The following PDE1C variants were observed in gnomAD, a reference collection of about 807,000 sequenced individuals.
PDE1C encodes the protein dual specificity calcium/calmodulin-dependent 3',5'-cyclic nucleotide phosphodiesterase 1C.
PDE1C carries 62 observed loss-of-function variants against 93.1 expected under a neutral mutation model. The observed-to-expected ratio is 0.67, with a 90% CI of 0.54 to 0.82. The LOEUF is 0.82. Ranked by LOEUF, PDE1C falls within the 40% of genes least tolerant of loss-of-function variation. The pLI is 0.00. For synonymous variants in PDE1C, 325 were observed against 310.1 expected (o/e 1.05, Z -0.50); for missense variants, 742 against 884.6 (o/e 0.84, Z 2.04).
intron 14 of PDE1C, among the ~76,000 whole-genome samples, chr7:31,822,847 T>C (rs1789147866): frequency 6.6e-6 from 1 of 152,126 alleles, no homozygotes; most frequent in South Asian, 2.1e-4. Flanking sequence ...AAAAGGAGTT[T>C]AGTCTCACAG....
intron 1 of PDE1C, among the ~76,000 whole-genome samples, chr7:32,410,340 A>AAAG (rs35560349): frequency 0.23 from 34,063 of 149,386 alleles, 8,081 homozygotes; most frequent in African/African-American, 0.61. Flanking sequence ...TCTGAATTTA[A>AAAG]AAGAAGAGGA....
intron 3 of PDE1C, among the ~76,000 whole-genome samples, chr7:32,141,953 C>CAA (rs34699958): frequency 6.6e-6 from 1 of 152,024 alleles, no homozygotes; most frequent in African/African-American, 2.4e-5. Flanking sequence ...ACCCACCCCC[C>CAA]AAAAAATAAT....
At chr7:31,776,495 G>A (rs1040853298) in intron 16 of PDE1C, among the ~76,000 whole-genome samples, 1 of 152,114 alleles carries the variant, frequency 6.6e-6, no homozygotes, top group Admixed American at 6.5e-5. Context: ...TCAAACCCCA[G>A]GATGGGATCA....
intron 1 of PDE1C, among the ~76,000 whole-genome samples, chr7:32,379,807 G>T (rs949730359): frequency 6.6e-6 from 1 of 152,102 alleles, no homozygotes; most frequent in Admixed American, 6.5e-5. Context: ...AGCTATAAAC[G>T]GCACTTAGCA....
chr7:32,069,903 C>T (rs1017547018), intron 1 of PDE1C, among the ~76,000 whole-genome samples: 1 of 152,156 alleles, frequency 6.6e-6, no homozygotes, highest in South Asian at 2.1e-4. Flanking sequence ...ACCACCTGCC[C>T]AAGTGTATGC....
chr7:31,763,319 A>G (rs1435305294), intron 17 of PDE1C, among the ~76,000 whole-genome samples: 1 of 152,158 alleles, frequency 6.6e-6, no homozygotes, highest in Admixed American at 6.5e-5. Flanking sequence ...CTCTCTTACC[A>G]TGGGCATTAG....
rs539733676 is a variant in PDE1C, at chr7:32,255,881, T to C, written c.85+42770A>G. ...AGATACAGAAAGGGCTGGTGGACTA[T>C]GGTGAGAAATTCCTCATGAGGGAAA... On this transcript the variant is annotated intron_variant, in intron 1 of 18. Transcript: ENST00000396193. Among the ~76,000 whole-genome samples, 11 of 152,272 alleles carry C rather than the reference T, an allele frequency of 7.2e-5. No individual in the cohort carries two copies. In the South Asian group the frequency reaches 8.3e-4, roughly 11 times the overall value.
Position 32,042,874 on chromosome 7 carries a change from G to A in PDE1C, c.128+8680C>T, listed in dbSNP as rs1003904230. On this transcript the variant is annotated intron_variant, in intron 2 of 17. Transcript: ENST00000396191. Reference sequence around the variant, plus strand: ...AAGGACCTCAGTAACTGGAACCAGAGAATACTGTTTTTGAGCCAAAGACCA... The same window carrying A: ...AAGGACCTCAGTAACTGGAACCAGAAAATACTGTTTTTGAGCCAAAGACCA... Among the ~76,000 whole-genome samples the A allele has an allele frequency of 4.4e-4, 67 of 152,290 alleles. 1 individual carries two copies. The highest frequency in any genetic ancestry group is 1.5e-3 in the African/African-American group (63 of 41,564).
intron 2 of PDE1C, among the ~76,000 whole-genome samples, chr7:31,928,148 AATATCAATGGCT>A (rs1803647418): frequency 6.6e-6 from 1 of 152,030 alleles, no homozygotes; most frequent in Non-Finnish European, 1.5e-5. Flanking sequence ...AAGCATACAC[AATATCAATGGCT>A]GAATTGATCA....
intron 3 of PDE1C, among the ~76,000 whole-genome samples, chr7:32,089,477 C>T (rs983230173): frequency 6.6e-6 from 1 of 152,144 alleles, no homozygotes; most frequent in Non-Finnish European, 1.5e-5. Flanking sequence ...CAATTACCAA[C>T]CACGTCAAGC....
At chr7:31,711,607 CTCTCT>C in the PDE1C span, among the ~76,000 whole-genome samples, 18 of 152,130 alleles carry the variant, frequency 1.2e-4, no homozygotes, top group South Asian at 2.1e-4. Context: ...TCCACCCTCT[CTCTCT>C]TAATTTTTGA....
intron 1 of PDE1C, among the ~76,000 whole-genome samples, chr7:32,407,157 C>A (rs1458644231): frequency 1.3e-5 from 2 of 149,814 alleles, no homozygotes; most frequent in African/African-American, 4.9e-5. Context: ...CGCCTATAAT[C>A]CCAGCCACTT....
At chr7:31,617,958 ATTTTAGAAGCACACATAT>A in the PDE1C span, among the ~76,000 whole-genome samples, 2 of 152,230 alleles carry the variant, frequency 1.3e-5, no homozygotes, top group Non-Finnish European at 2.9e-5. Context: ...TAGGAAATGC[ATTTTAGAAGCACACATAT>A]TGATTGTCAT....
At chr7:32,420,167 G>T (rs1409011778) in intron 1 of PDE1C, among the ~76,000 whole-genome samples, 1 of 30,804 alleles carries the variant, frequency 3.2e-5, no homozygotes, top group African/African-American at 1.1e-4. Flanking sequence ...ACATATATAT[G>T]TGTATATATA....
intron 11 of PDE1C, among the ~76,000 whole-genome samples, chr7:31,835,423 G>A (rs1386245228): frequency 6.6e-6 from 1 of 152,036 alleles, no homozygotes; most frequent in Non-Finnish European, 1.5e-5. Flanking sequence ...TCCCCTTTGA[G>A]AATTACTCTG....
chr7:32,392,190 G>C (rs1248762504), intron 1 of PDE1C, among the ~76,000 whole-genome samples: 1 of 151,948 alleles, frequency 6.6e-6, no homozygotes, highest in Non-Finnish European at 1.5e-5. Context: ...ATACTATAAA[G>C]AACTTTATGA....
chr7:31,786,335 G>A (rs1783936021), intron 16 of PDE1C: 1 of 151,168 alleles, frequency 6.6e-6, no homozygotes, highest in Non-Finnish European at 1.5e-5. Context: ...CCATAGAGAA[G>A]TTTTTATTTT....
the PDE1C span, among the ~76,000 whole-genome samples, chr7:31,665,760 G>A: frequency 6.6e-6 from 1 of 152,128 alleles, no homozygotes; most frequent in African/African-American, 2.4e-5. Flanking sequence ...TTAGGGGAAG[G>A]CCCTCAGGGA....
At chr7:31,658,381 G>C in the PDE1C span, 1 of 1,506,444 alleles carries the variant, frequency 6.6e-7, no homozygotes, top group East Asian at 2.5e-5. Flanking sequence ...ACAAGACTCT[G>C]GTCTGTTGTA....
Sources: gnomAD v4.1 joint callset for allele counts (sites outside exome capture counted in the v4.1 genomes callset) on GRCh38, gnomAD v4.1.1 for gene constraint, MANE v1.5 for transcripts, NCBI Gene and HGNC (gene_info 2026-07-23, HGNC 2026-07-21) for gene names.